The following CSMD1 variants were observed in gnomAD, a reference collection of about 807,000 sequenced individuals.
The protein encoded by CSMD1 is CUB and Sushi multiple domains 1.
A neutral mutation model predicts 417.5 loss-of-function variants in CSMD1; 213 were observed. The ratio of observed to expected loss-of-function variants is 0.51; its 90% CI spans 0.46 to 0.57. The LOEUF (loss-of-function observed/expected upper bound fraction) is 0.57. Among genes scored for constraint, CSMD1 ranks in the 20% least tolerant of loss-of-function variants. CSMD1 has a pLI of 0.00. For missense variants in CSMD1, 6,923 were observed against 4,529.7 expected (o/e 1.53, Z -15.17); for synonymous variants, 2,862 against 1,736.8 (o/e 1.65, Z -16.11).
chr8:4,237,088 C>G (rs1432900077), intron 3 of CSMD1, among the ~76,000 whole-genome samples: 2 of 152,304 alleles, frequency 1.3e-5, no homozygotes, highest in South Asian at 4.1e-4. Flanking sequence ...CAATTTTATT[C>G]TTCACTCACT....
chr8:2,985,693 G>T lies in CSMD1; in HGVS notation c.8378-6893C>A, dbSNP rs141860524. Among the ~76,000 whole-genome samples, 565 of 152,298 alleles carry T rather than the reference G, an allele frequency of 3.7e-3. 4 individuals are homozygous for T. The highest frequency in any genetic ancestry group is 0.013 in the African/African-American group (538 of 41,544). On this transcript the variant is annotated intron_variant, in intron 54 of 69. Transcript: ENST00000635120. ...TTGACATACAAGGAAGAAAGTCATA[G>T]GAGAGGGTGACTCAGCTTCACTCAA... is the stretch of plus-strand genomic sequence containing the variant.
chr8:3,215,246 A>C (rs1797816218), intron 29 of CSMD1, among the ~76,000 whole-genome samples: 1 of 152,216 alleles, frequency 6.6e-6, no homozygotes, highest in Non-Finnish European at 1.5e-5. Context: ...TCATTCTTTT[A>C]CTACCGTATT....
intron 37 of CSMD1, among the ~76,000 whole-genome samples, chr8:3,177,091 T>G (rs1475375319): frequency 6.6e-6 from 1 of 152,186 alleles, no homozygotes; most frequent in Admixed American, 6.5e-5. Context: ...TGACCTCATT[T>G]CTAAAGGACA....
chr8:3,656,198 A>G (rs900292876), intron 7 of CSMD1, among the ~76,000 whole-genome samples: 1 of 152,128 alleles, frequency 6.6e-6, no homozygotes, highest in Non-Finnish European at 1.5e-5. Context: ...TACCAGAGCT[A>G]TTCAGAAGCC....
chr8:4,246,285 G>A (rs566156718), intron 3 of CSMD1, among the ~76,000 whole-genome samples: 6 of 152,070 alleles, frequency 3.9e-5, no homozygotes, highest in Non-Finnish European at 7.4e-5. Context: ...TTGGTTTTCT[G>A]TTCCTGGGTT....
At position 3,052,532 on chromosome 8, in the gene CSMD1, G is replaced by T. The variant is rs1480534387; in HGVS notation, c.7590C>A (p.Ser2530Arg). 5 of 1,605,968 alleles carry T rather than the reference G, an allele frequency of 3.1e-6. No individual in the cohort carries two copies. The highest frequency in any genetic ancestry group is 4.3e-6 in the Non-Finnish European group (5 of 1,176,070). Residue 2530 changes from serine to arginine, a missense_variant, in exon 50 of 70, where the codon AGC becomes AGA. Physicochemically the swap from Ser to Arg is moderately radical, Grantham distance 110. Transcript: ENST00000635120. ...CTTGACACACGGCTGTTGCTTGCTG[G>T]CTGGATTCAAGCTTGAAGCCCTCAT... is the stretch of plus-strand genomic sequence containing the variant. ...ECHEGFKLES[S>R]QQATAVCQED...
chr8:4,006,176 T>C (rs1274795891), intron 4 of CSMD1, among the ~76,000 whole-genome samples: 3 of 152,182 alleles, frequency 2.0e-5, no homozygotes, highest in Non-Finnish European at 2.9e-5. Context: ...CATGACATTT[T>C]TGGGTGCATT....
rs555575713 is a variant in CSMD1 at position 4,045,358 on chromosome 8, C to T, written c.416-13259G>A. On this transcript the variant is annotated intron_variant, in intron 3 of 69. Coordinates refer to ENST00000635120, the MANE Select transcript of CSMD1 (RefSeq NM_033225.6). ...ATTGTGTATGATATGAGCAGACGAA[C>T]GGTTTCAAGGACACTGTCATTTAAA... Among the ~76,000 whole-genome samples, 69 of 152,230 alleles carry T rather than the reference C, an allele frequency of 4.5e-4. No individual in the cohort carries two copies. The South Asian group carries it at 8.5e-3, about 19-fold the overall frequency.
chr8:3,122,290 A>G (rs191918150), intron 41 of CSMD1, among the ~76,000 whole-genome samples: 2 of 152,166 alleles, frequency 1.3e-5, no homozygotes, highest in African/African-American at 2.4e-5. Flanking sequence ...AATTACAAAT[A>G]AAAAAATGAA....
intron 3 of CSMD1, among the ~76,000 whole-genome samples, chr8:4,315,853 T>C (rs766302115): frequency 5.3e-4 from 80 of 152,218 alleles, no homozygotes; most frequent in Admixed American, 2.0e-4. Flanking sequence ...TTTCATATTA[T>C]ATTCTCAGTC....
chr8:3,969,661 G>C (rs933720005), intron 5 of CSMD1, among the ~76,000 whole-genome samples: 188 of 152,192 alleles, frequency 1.2e-3, no homozygotes, highest in African/African-American at 4.3e-3. Context: ...AAGTGTAAAG[G>C]TTCCTTGCTT....
At chr8:4,412,347 G>C (rs992766077) in intron 3 of CSMD1, among the ~76,000 whole-genome samples, 18 of 134,362 alleles carry the variant, frequency 1.3e-4, no homozygotes, top group Non-Finnish European at 2.3e-4. Context: ...GAACTGAAAA[G>C]TGTGTGGCAC....
At chr8:3,853,483 T>A (rs939844657) in intron 5 of CSMD1, among the ~76,000 whole-genome samples, 1 of 152,228 alleles carries the variant, frequency 6.6e-6, no homozygotes, top group African/African-American at 2.4e-5. Flanking sequence ...TTTGTCTACG[T>A]TGTTCACAGA....
intron 5 of CSMD1, among the ~76,000 whole-genome samples, chr8:3,883,274 T>C (rs1806326230): frequency 6.6e-6 from 1 of 152,162 alleles, no homozygotes; most frequent in Non-Finnish European, 1.5e-5. Flanking sequence ...ATAAAGTATT[T>C]CCAGCTCACA....
At chr8:4,440,454 C>T (rs573585381) in intron 2 of CSMD1, among the ~76,000 whole-genome samples, 7 of 152,146 alleles carry the variant, frequency 4.6e-5, no homozygotes, top group African/African-American at 1.7e-4. Context: ...CATTGTTCAT[C>T]TTGTTACTCA....
intron 3 of CSMD1, among the ~76,000 whole-genome samples, chr8:4,197,230 T>C (rs1424169274): frequency 6.6e-6 from 1 of 152,192 alleles, no homozygotes; most frequent in Admixed American, 6.5e-5. Context: ...TTCTGAGTTA[T>C]TCACAGATAA....
chr8:3,122,219 C>G (rs1347287573), intron 41 of CSMD1, among the ~76,000 whole-genome samples: 1 of 151,994 alleles, frequency 6.6e-6, no homozygotes, highest in Non-Finnish European at 1.5e-5. Context: ...AATGCTTTTA[C>G]CCCATAAATG....
chr8:3,966,857 A>G (rs887005043), intron 5 of CSMD1, among the ~76,000 whole-genome samples: 7 of 152,240 alleles, frequency 4.6e-5, no homozygotes, highest in Non-Finnish European at 7.3e-5. Context: ...AAGCTCTATT[A>G]TGCTGCATAC....
intron 1 of CSMD1, among the ~76,000 whole-genome samples, chr8:4,711,672 A>T (rs201999299): frequency 6.0e-4 from 1 of 1,674 alleles, no homozygotes; most frequent in Admixed American, 0.014. Context: ...AGGTAAATTT[A>T]AAAAAAAAAT....
Sources: allele counts gnomAD v4.1 joint callset (sites outside exome capture counted in the v4.1 genomes callset), GRCh38; gene constraint gnomAD v4.1.1; transcripts MANE v1.5; gene names NCBI Gene and HGNC (gene_info 2026-07-23, HGNC 2026-07-21).